MTHFSD: variants seen among roughly 807,000 people sequenced by gnomAD.
The protein encoded by MTHFSD is methenyltetrahydrofolate synthase domain-containing protein.
A neutral mutation model predicts 31.1 loss-of-function variants in MTHFSD; 37 were observed. The observed-to-expected ratio is 1.19, with a 90% CI of 0.91 to 1.56. The LOEUF (loss-of-function observed/expected upper bound fraction) is 1.56. MTHFSD is among the 40% of genes most tolerant of loss of function. The pLI, the probability that MTHFSD is intolerant of heterozygous loss-of-function variation, is 0.00. For missense variants in MTHFSD, 664 were observed against 510.1 expected, an observed-to-expected ratio of 1.30 and a Z score of -2.91; for synonymous variants, 221 against 206.9, an observed-to-expected ratio of 1.07 and a Z score of -0.59.
chr16:86,547,490 T>G (rs1486043615), intron 4 of MTHFSD: 2 of 986,144 alleles, frequency 2.0e-6, no homozygotes, highest in Admixed American at 1.2e-4. Flanking sequence ...GAAGGGGGCT[T>G]AGTCCAGGAA....
Position 86,548,508 on chromosome 16 carries a change from G to C in MTHFSD, c.307C>G (p.Pro103Ala). 2 of 1,613,890 alleles carry C rather than the reference G, an allele frequency of 1.2e-6. No homozygotes were observed. Among genetic ancestry groups the C allele is most frequent in the Non-Finnish European group, 1.7e-6 (2 of 1,179,966 alleles). The change falls in exon 4 of 8, where the codon CCT (proline) becomes GCT (alanine). Residue 103 changes from proline (P) to alanine (A), a missense_variant. By Grantham distance (27) the Pro-to-Ala change is conservative (BLOSUM62 -1). Coordinates refer to ENST00000360900, the MANE Select transcript of MTHFSD (RefSeq NM_001159377.2). ...TGLFNKITPP[P>A]GATKDILRKC... ...CTCAAGATGTCTTTAGTTGCCCCAG[G>C]GGGTGGTGTGATCTTATTAAACAAT...
At chr16:86,554,915 C>T in intron 1 of MTHFSD, 164 bp from the exon 2 acceptor site, 1 of 1,094,822 alleles carries the variant, frequency 9.1e-7, no homozygotes, top group African/African-American at 1.6e-5. Flanking sequence ...CGGGCTCCCC[C>T]ACGTGCACGG....
At chr16:86,554,493 A>T (rs1973765172) in intron 2 of MTHFSD, 152 bp downstream of exon 2, 2 of 646,764 alleles carry the variant, frequency 3.1e-6, no homozygotes, top group South Asian at 3.6e-5. Context: ...AATGCTAAGG[A>T]CGCCCTGGCC....
intron 4 of MTHFSD, chr16:86,547,582 G>A: frequency 1.0e-6 from 1 of 988,284 alleles, no homozygotes; most frequent in Non-Finnish European, 1.2e-6. Flanking sequence ...CAAAGGAAGA[G>A]ACGGCTTGCA....
chr16:86,551,828 C>T, intron 3 of MTHFSD: 2 of 902,228 alleles, frequency 2.2e-6, no homozygotes, highest in Non-Finnish European at 3.2e-6. Context: ...GCATTCGGGA[C>T]TCCTGATTGA....
Position 86,542,006 on chromosome 16 carries a change from A to G in MTHFSD, c.555+95T>C, listed in dbSNP as rs1971598015. On this transcript the variant is annotated intron_variant, in intron 6 of 7. Coordinates refer to ENST00000360900, the MANE Select transcript of MTHFSD (RefSeq NM_001159377.2). This position sits in a 1 kb window ranked among gnomAD's most constrained non-coding sequence, Gnocchi z 4.6. ...GGCTGATCCACACCACTCGCCACAC[A>G]GCATGGTTCAGAAGCAGATGAGTCT... 7.3e-7 allele frequency: 1 copy of G among 1,361,674 alleles called. No individual in the cohort carries two copies. Among genetic ancestry groups the G allele is most frequent in the African/African-American group, 1.4e-5 (1 of 70,372 alleles). The allele number at this position is 1,361,674 out of a possible 1,614,324, so 84.3% of individuals were successfully genotyped here.
chr16:86,535,018 G>A (rs538583995), intron 7 of MTHFSD, among the ~76,000 whole-genome samples: 2 of 152,346 alleles, frequency 1.3e-5, no homozygotes, highest in African/African-American at 4.8e-5. Flanking sequence ...TCACACTTGG[G>A]GTTCTGCGGC....
At chr16:86,543,225 G>A (rs1206909045) in intron 5 of MTHFSD, among the ~76,000 whole-genome samples, 5 of 152,178 alleles carry the variant, frequency 3.3e-5, no homozygotes, top group African/African-American at 7.2e-5. Flanking sequence ...GCTCACTAGC[G>A]GACTGCTCAA....
rs1407487297 is a variant in MTHFSD at position 86,548,445 on chromosome 16, C to G, written c.351+19G>C. On this transcript the variant is annotated intron_variant, in intron 4 of 7. Coordinates refer to ENST00000360900, the MANE Select transcript of MTHFSD (RefSeq NM_001159377.2). ...GGTACAGTTCTTTCCTAGGTGGGGA[C>G]ATTGCTTCTGGTACTTACCTGAGAG... The G allele has an allele frequency of 6.3e-7, 1 of 1,584,532 alleles. No individual in the cohort carries two copies. The highest frequency in any genetic ancestry group is 8.7e-7 in the Non-Finnish European group (1 of 1,153,918).
At chr16:86,545,000 G>C (rs1279849176) in intron 5 of MTHFSD, among the ~76,000 whole-genome samples, 7 of 152,174 alleles carry the variant, frequency 4.6e-5, no homozygotes, top group African/African-American at 1.2e-4. Flanking sequence ...AGTGGGAGCT[G>C]AACAATGAGA....
rs62053595 is a variant in MTHFSD at position 86,538,922 on chromosome 16, G to A, written c.681+2775C>T. On this transcript the variant is annotated intron_variant, in intron 7 of 7. Coordinates refer to ENST00000360900, the MANE Select transcript of MTHFSD (RefSeq NM_001159377.2). ...AGTTTCACGGGTCTGTGGGTGAGGC[G>A]ATCGCCCCCAGAGACAGAAGAGCAC... is the stretch of plus-strand genomic sequence containing the variant. 4.6e-5 allele frequency among the ~76,000 whole-genome samples: 7 copies of A among 152,220 alleles called. No individual in the cohort carries two copies. In the South Asian group the frequency reaches 1.2e-3, roughly 27 times the overall value.
Position 86,554,562 on chromosome 16 carries a change from G to A in MTHFSD, c.123+83C>T, listed in dbSNP as rs559298343. On this transcript the variant is annotated intron_variant, in intron 2 of 7. Coordinates refer to ENST00000360900, the MANE Select transcript of MTHFSD (RefSeq NM_001159377.2). ...TCGCCACATTCTCATCCACCATGACGCAGTAAGAGAATTTTATTACTAGTG... is the reference window on the plus strand; with the variant it reads ...TCGCCACATTCTCATCCACCATGACACAGTAAGAGAATTTTATTACTAGTG... 64 of 1,057,652 alleles carry A rather than the reference G, an allele frequency of 6.1e-5. 2 individuals are homozygous for A. The South Asian group carries it at 7.9e-4, about 13-fold the overall frequency. The allele number at this position is 1,057,652 out of a possible 1,614,324, so 65.5% of individuals were successfully genotyped here. A position where few individuals can be genotyped will look rare whatever the true frequency, so the allele number is the denominator to read the frequency against.
chr16:86,541,292 A>G, intron 7 of MTHFSD: 1 of 261,128 alleles, frequency 3.8e-6, no homozygotes, highest in Non-Finnish European at 4.9e-6. Context: ...GATCGTCAGT[A>G]AAAAAAAAAA....
chr16:86,551,223 T>A (rs934710067), intron 3 of MTHFSD, among the ~76,000 whole-genome samples: 1 of 152,244 alleles, frequency 6.6e-6, no homozygotes, highest in Non-Finnish European at 1.5e-5. Context: ...CATATTGAAT[T>A]AGTTTATAAT....
chr16:86,544,315 T>C (rs1251712567), intron 5 of MTHFSD, among the ~76,000 whole-genome samples: 6 of 152,150 alleles, frequency 3.9e-5, no homozygotes, highest in Admixed American at 3.3e-4. Flanking sequence ...GAGACAATTT[T>C]GCAAACTATC....
intron 5 of MTHFSD, among the ~76,000 whole-genome samples, chr16:86,545,260 C>T (rs1252246724): frequency 6.6e-6 from 1 of 152,154 alleles, no homozygotes; most frequent in Non-Finnish European, 1.5e-5. Context: ...TGTACAACGT[C>T]TACACTAGGA....
chr16:86,552,055 C>T lies in MTHFSD; in HGVS notation c.215G>A (p.Gly72Asp). 6.2e-7 allele frequency: 1 copy of T among 1,614,178 alleles called. No homozygotes were observed. Among genetic ancestry groups the T allele is most frequent in the Non-Finnish European group, 8.5e-7 (1 of 1,180,038 alleles). Residue 72 changes from glycine (G) to aspartate (D), a missense_variant, in exon 3 of 8, where the codon GGC (glycine) becomes GAC (aspartate). Gly to Asp is a moderately conservative substitution (Grantham distance 94). Coordinates refer to ENST00000360900, the MANE Select transcript of MTHFSD (RefSeq NM_001159377.2). ...TACCTGCAGCACCAGCAGCCGAACGCCTTCCAGTGGTTTATCAGGGTCCAC... is the reference window on the plus strand; with the variant it reads ...TACCTGCAGCACCAGCAGCCGAACGTCTTCCAGTGGTTTATCAGGGTCCAC... ...VKVDPDKPLEGVRLLVLQSKK... is the reference protein window; with the variant it reads ...VKVDPDKPLEDVRLLVLQSKK...
chr16:86,542,211 A>T lies in MTHFSD; in HGVS notation c.445T>A (p.Trp149Arg), dbSNP rs1597348726. The T allele has an allele frequency of 6.2e-7, 1 of 1,612,526 alleles. No homozygotes were observed. The highest frequency in any genetic ancestry group is 2.2e-5 in the East Asian group (1 of 44,872). Residue 149 changes from tryptophan (W) to arginine (R), a missense_variant and splice_region_variant, in exon 6 of 8, where the codon TGG becomes AGG. By Grantham distance (101) the Trp-to-Arg change is moderately radical. Coordinates refer to ENST00000360900, the MANE Select transcript of MTHFSD (RefSeq NM_001159377.2). The surrounding 1 kb of genome is among the most constrained non-coding windows in gnomAD (Gnocchi z 4.6). ...VGSVAVSEKG[W>R]RIGKGEGYAD... ...TAGCCTTCTCCCTTCCCGATTCTCCAGCCTAAGAGACAACCGAGAATCAGT... is the reference window on the plus strand; with the variant it reads ...TAGCCTTCTCCCTTCCCGATTCTCCTGCCTAAGAGACAACCGAGAATCAGT...
At chr16:86,551,653 A>G (rs1973161981) in intron 3 of MTHFSD, among the ~76,000 whole-genome samples, 1 of 152,232 alleles carries the variant, frequency 6.6e-6, no homozygotes, top group African/African-American at 2.4e-5. Context: ...TTCTGTGTTC[A>G]GCAAGCTTGT....
Sources: allele counts gnomAD v4.1 joint callset (sites outside exome capture counted in the v4.1 genomes callset), GRCh38; gene constraint gnomAD v4.1.1; non-coding constraint Gnocchi (gnomAD v3.1); transcripts MANE v1.5; gene names NCBI Gene and HGNC (gene_info 2026-07-23, HGNC 2026-07-21).